COL19A1: variants seen among roughly 807,000 people sequenced by gnomAD.
COL19A1 encodes the protein collagen alpha-1(XIX) chain.
COL19A1 carries 159 observed loss-of-function variants against 190.2 expected under a neutral mutation model. The observed-to-expected ratio is 0.84, with a 90% CI of 0.73 to 0.95. COL19A1 has a LOEUF of 0.95. Among genes scored for constraint, COL19A1 ranks in the 40% least tolerant of loss-of-function variants. The pLI is 0.00. For missense variants in COL19A1, 1,418 were observed against 1,431.9 expected (o/e 0.99, Z 0.16); for synonymous variants, 509 against 458.9 (o/e 1.11, Z -1.39).
intron 4 of COL19A1, among the ~76,000 whole-genome samples, chr6:69,924,201 CATTA>C (rs1582417504): frequency 6.6e-6 from 1 of 152,114 alleles, no homozygotes; most frequent in East Asian, 1.9e-4. Context: ...GAGCTGCACC[CATTA>C]ACTCGTCATT....
At chr6:70,018,534 T>G (rs1778243235) in intron 11 of COL19A1, among the ~76,000 whole-genome samples, 1 of 152,114 alleles carries the variant, frequency 6.6e-6, no homozygotes, top group South Asian at 2.1e-4. Flanking sequence ...ACACTTGGAA[T>G]GACAGATCAT....
At chr6:70,067,032 A>G (rs1333836436) in intron 14 of COL19A1, among the ~76,000 whole-genome samples, 1 of 152,184 alleles carries the variant, frequency 6.6e-6, no homozygotes, top group African/African-American at 2.4e-5. Context: ...AGATTCTGTT[A>G]TAGATTAGAG....
In COL19A1 at chr6:70,180,870, C is replaced by T. The variant is rs1428672443; in HGVS notation, c.2775+347C>T. On this transcript the variant is annotated intron_variant, in intron 44 of 50. Coordinates refer to ENST00000620364, the MANE Select transcript of COL19A1 (RefSeq NM_001858.6). ...AAACCAAAGACTTATAGATATAATA[C>T]CTGTATGTTAAACCAAATCCTAAAG... Among the ~76,000 whole-genome samples, 7 of 152,146 alleles carry T rather than the reference C, an allele frequency of 4.6e-5. No individual in the cohort carries two copies. The East Asian group carries it at 1.3e-3, about 29-fold the overall frequency.
chr6:70,059,021 G>A (rs1197554320), intron 14 of COL19A1, among the ~76,000 whole-genome samples: 3 of 151,866 alleles, frequency 2.0e-5, no homozygotes, highest in Middle Eastern at 3.2e-3. Context: ...CCATGTTAAA[G>A]GCACAAAATT....
At chr6:70,162,301 G>A (rs1037417711) in intron 35 of COL19A1, among the ~76,000 whole-genome samples, 1 of 112,260 alleles carries the variant, frequency 8.9e-6, no homozygotes, top group African/African-American at 3.7e-5. Flanking sequence ...CACAAACTGA[G>A]AATTTATTTT....
intron 41 of COL19A1, 26 bp downstream of exon 41, chr6:70,172,043 T>G (rs1765530383): frequency 3.1e-6 from 5 of 1,602,844 alleles, no homozygotes; most frequent in African/African-American, 1.3e-5. Flanking sequence ...AGAAATGTGT[T>G]CATTTATTCA....
intron 20 of COL19A1, 123 bp downstream of exon 20, chr6:70,141,112 A>G: frequency 2.4e-6 from 2 of 834,066 alleles, no homozygotes; most frequent in East Asian, 2.7e-5. Context: ...TGAGCATTTT[A>G]CTTTTTCCTC....
At chr6:69,867,073 C>T (rs1478955140) in intron 1 of COL19A1, among the ~76,000 whole-genome samples, 1 of 145,830 alleles carries the variant, frequency 6.9e-6, no homozygotes, top group Non-Finnish European at 1.5e-5. Context: ...AACTCACTAT[C>T]AATTCATGCC....
intron 9 of COL19A1, among the ~76,000 whole-genome samples, chr6:69,940,023 G>A (rs960033384): frequency 6.6e-6 from 1 of 151,142 alleles, no homozygotes; most frequent in Non-Finnish European, 1.5e-5. Flanking sequence ...AAGATTGCTG[G>A]CACAGGAAGA....
chr6:69,921,793 CGTATATGTATATT>C (rs1771975255), intron 4 of COL19A1, among the ~76,000 whole-genome samples: 1 of 146,826 alleles, frequency 6.8e-6, no homozygotes, highest in African/African-American at 2.5e-5. Flanking sequence ...TATGTAGATT[CGTATATGTATATT>C]CGTATGTAGA....
At chr6:69,904,245 G>A (rs1050976751) in intron 4 of COL19A1, among the ~76,000 whole-genome samples, 1 of 152,180 alleles carries the variant, frequency 6.6e-6, no homozygotes, top group Non-Finnish European at 1.5e-5. Flanking sequence ...CACAAAATGA[G>A]TATATGATCG....
At chr6:70,099,823 C>T (rs562584260) in intron 15 of COL19A1, among the ~76,000 whole-genome samples, 142 of 152,304 alleles carry the variant, frequency 9.3e-4, no homozygotes, top group African/African-American at 3.2e-3. Flanking sequence ...CATGTCCACT[C>T]GGCAAAATCA....
At chr6:70,201,406 T>A (rs1767543059) in intron 49 of COL19A1, among the ~76,000 whole-genome samples, 1 of 152,210 alleles carries the variant, frequency 6.6e-6, no homozygotes, top group African/African-American at 2.4e-5. Context: ...CCACTCCACT[T>A]GCCCTTCCTT....
chr6:70,102,089 A>G, intron 15 of COL19A1, 80 bp from the exon 16 acceptor site: 1 of 1,117,232 alleles, frequency 9.0e-7, no homozygotes, highest in East Asian at 2.4e-5. Flanking sequence ...TACTGTCTTC[A>G]ATATTCCCAT....
intron 9 of COL19A1, among the ~76,000 whole-genome samples, chr6:69,951,549 A>G (rs1199117430): frequency 1.3e-5 from 2 of 151,930 alleles, no homozygotes. Context: ...GGAAAATGTT[A>G]AAGTCACATA....
chr6:69,952,941 G>A (rs1326270561), intron 9 of COL19A1, among the ~76,000 whole-genome samples: 2 of 151,992 alleles, frequency 1.3e-5, no homozygotes, highest in African/African-American at 4.8e-5. Flanking sequence ...ATGCTTCAGA[G>A]ACTCAGAAAC....
Position 70,111,576 on chromosome 6 carries a change from C to T in COL19A1, c.1278+9354C>T, listed in dbSNP as rs117325000. ...CATTTTAAGAAGCAGGAAAAACATT[C>T]TATGGGATTAGTAACAGTTAATATC... On this transcript the variant is annotated intron_variant, in intron 16 of 50. Transcript: ENST00000620364. Among the ~76,000 whole-genome samples, 1,107 of 152,272 alleles carry T rather than the reference C, an allele frequency of 7.3e-3. 35 individuals are homozygous for T. The East Asian group carries it at 0.11, about 15-fold the overall frequency.
chr6:70,017,573 T>C (rs180769071), intron 11 of COL19A1, among the ~76,000 whole-genome samples: 20 of 152,296 alleles, frequency 1.3e-4, no homozygotes, highest in Admixed American at 2.0e-4. Context: ...TAGATGATCA[T>C]TGTAGCTGTA....
At chr6:69,877,670 C>T (rs1768214070) in intron 1 of COL19A1, among the ~76,000 whole-genome samples, 1 of 151,880 alleles carries the variant, frequency 6.6e-6, no homozygotes, top group Non-Finnish European at 1.5e-5. Context: ...TAATATGAAT[C>T]ATTGTATATT....
Sources: allele counts gnomAD v4.1 joint callset (sites outside exome capture counted in the v4.1 genomes callset), GRCh38; gene constraint gnomAD v4.1.1; transcripts MANE v1.5; gene names NCBI Gene and HGNC (gene_info 2026-07-23, HGNC 2026-07-21).